CALN1: variants seen among roughly 807,000 people sequenced by gnomAD.
CALN1 encodes the protein calneuron 1.
Under a neutral mutation model 30.6 loss-of-function variants are expected in CALN1, and 17 were observed. The ratio of observed to expected loss-of-function variants is 0.56; its 90% CI spans 0.38 to 0.83. CALN1 has a LOEUF of 0.83. CALN1 is among the 40% of genes least tolerant of loss of function. The pLI, the probability that CALN1 is intolerant of heterozygous loss-of-function variation, is 0.00. For missense variants in CALN1, 291 were observed against 354.9 expected, an observed-to-expected ratio of 0.82 and a Z score of 1.45; for synonymous variants, 156 against 131.4, an observed-to-expected ratio of 1.19 and a Z score of -1.28.
intron 5 of CALN1, among the ~76,000 whole-genome samples, chr7:71,917,073 G>T (rs1396111952): frequency 6.6e-6 from 1 of 152,152 alleles, no homozygotes; most frequent in Non-Finnish European, 1.5e-5. Flanking sequence ...CTAAGAAATG[G>T]TAATGAGCTA....
At chr7:72,338,525 G>GTGTGTGTGTGTGTGTCTGTCTTTC in intron 2 of CALN1, among the ~76,000 whole-genome samples, 4 of 122,290 alleles carry the variant, frequency 3.3e-5, no homozygotes, top group African/African-American at 1.3e-4. Flanking sequence ...GTGTGTGTGT[G>GTGTGTGTGTGTGTGTCTGTCTTTC]TGTCTCACCT....
intron 3 of CALN1, among the ~76,000 whole-genome samples, chr7:72,253,106 C>G (rs1436389094): frequency 6.6e-6 from 1 of 152,004 alleles, no homozygotes; most frequent in Non-Finnish European, 1.5e-5. Flanking sequence ...CCTGTTCTAC[C>G]TGGACTTAGT....
rs192509715 is a variant in CALN1, at chr7:72,188,182, C to T, written c.245-81888G>A. Among the ~76,000 whole-genome samples the T allele has an allele frequency of 4.0e-5, 6 of 151,354 alleles. No individual in the cohort carries two copies. The East Asian group carries it at 9.7e-4, about 24-fold the overall frequency. ...AAGGATACTGGCACACGCATGTTTA[C>T]AGCAGCACGATTTGCAATTACAAAA... On this transcript the variant is annotated intron_variant, in intron 3 of 6. Transcript: ENST00000395275.
At chr7:72,411,854 T>C (rs1807180624) in intron 1 of CALN1, among the ~76,000 whole-genome samples, 1 of 152,212 alleles carries the variant, frequency 6.6e-6, no homozygotes, top group African/African-American at 2.4e-5. Flanking sequence ...ACAGATTATA[T>C]TCCAGGATAA....
At chr7:71,846,074 C>A (rs762355641) in intron 5 of CALN1, among the ~76,000 whole-genome samples, 3 of 151,976 alleles carry the variant, frequency 2.0e-5, no homozygotes, top group Non-Finnish European at 4.4e-5. Flanking sequence ...AAGATTAACA[C>A]TCTCCTCCTG....
At chr7:71,850,377 A>G (rs1309507536) in intron 5 of CALN1, among the ~76,000 whole-genome samples, 6 of 138,624 alleles carry the variant, frequency 4.3e-5, no homozygotes, top group African/African-American at 1.0e-4. Context: ...CACCACACCC[A>G]GCTAATTTTT....
chr7:72,464,010 G>T, the CALN1 span, among the ~76,000 whole-genome samples: 3 of 140,204 alleles, frequency 2.1e-5, no homozygotes, highest in Non-Finnish European at 3.1e-5. Flanking sequence ...GGAGGGAGGG[G>T]AAGAAAGAGA....
intron 5 of CALN1, among the ~76,000 whole-genome samples, chr7:71,814,268 G>C (rs1167238746): frequency 6.6e-6 from 1 of 152,110 alleles, no homozygotes; most frequent in Non-Finnish European, 1.5e-5. Flanking sequence ...CCTGACCCTG[G>C]TCCACCACCA....
intron 5 of CALN1, among the ~76,000 whole-genome samples, chr7:71,994,592 C>T (rs1318462442): frequency 6.6e-6 from 1 of 150,944 alleles, no homozygotes; most frequent in Non-Finnish European, 1.5e-5. Flanking sequence ...AGATTCGTTG[C>T]CTCATGCTAA....
At chr7:71,885,306 C>T (rs1281451449) in intron 5 of CALN1, among the ~76,000 whole-genome samples, 1 of 152,148 alleles carries the variant, frequency 6.6e-6, no homozygotes. Flanking sequence ...CGCCTGCCAC[C>T]ACACCTGGCT....
chr7:72,383,592 G>A (rs964423535), intron 2 of CALN1, among the ~76,000 whole-genome samples: 1 of 152,096 alleles, frequency 6.6e-6, no homozygotes, highest in African/African-American at 2.4e-5. Flanking sequence ...CTTCACTTCT[G>A]TCCCCAGCAG....
intron 2 of CALN1, among the ~76,000 whole-genome samples, chr7:72,325,632 T>C (rs1203545029): frequency 6.6e-6 from 1 of 151,940 alleles, no homozygotes; most frequent in African/African-American, 2.4e-5. Flanking sequence ...AGAGTGAAAC[T>C]CTGTCTCAAA....
chr7:72,059,252 G>A (rs917777092), intron 4 of CALN1, among the ~76,000 whole-genome samples: 3 of 152,104 alleles, frequency 2.0e-5, no homozygotes, highest in African/African-American at 7.2e-5. Context: ...TAGGTCAGAG[G>A]GATTACTTTT....
intron 3 of CALN1, among the ~76,000 whole-genome samples, chr7:72,200,228 G>A (rs1300749053): frequency 6.6e-6 from 1 of 152,144 alleles, no homozygotes; most frequent in African/African-American, 2.4e-5. Flanking sequence ...ACATGATGGT[G>A]AAGAGCCCAG....
intron 4 of CALN1, among the ~76,000 whole-genome samples, chr7:72,049,366 T>C (rs1475628563): frequency 1.3e-5 from 2 of 152,166 alleles, no homozygotes; most frequent in African/African-American, 4.8e-5. Context: ...GAGACATTTT[T>C]TTTGGAGCTA....
At chr7:71,797,755 C>T (rs189630903) in intron 6 of CALN1, among the ~76,000 whole-genome samples, 100 of 152,286 alleles carry the variant, frequency 6.6e-4, no homozygotes, top group African/African-American at 2.1e-3. Flanking sequence ...ACCCCTTGTT[C>T]TAATAACAAA....
intron 5 of CALN1, among the ~76,000 whole-genome samples, chr7:71,959,452 T>C (rs1797127321): frequency 6.6e-6 from 1 of 152,114 alleles, no homozygotes; most frequent in Non-Finnish European, 1.5e-5. Context: ...AAAATGGGCT[T>C]CCCCTTCTCC....
At chr7:72,161,391 G>A (rs776741289) in intron 3 of CALN1, among the ~76,000 whole-genome samples, 1 of 152,178 alleles carries the variant, frequency 6.6e-6, no homozygotes, top group African/African-American at 2.4e-5. Flanking sequence ...GAATAAGGTG[G>A]AGAAGGATGG....
chr7:72,196,772 G>A (rs746903846), intron 3 of CALN1, among the ~76,000 whole-genome samples: 8 of 152,140 alleles, frequency 5.3e-5, no homozygotes, highest in Admixed American at 2.0e-4. Context: ...CCTTACCTAT[G>A]TAATTATTTC....
Sources: allele counts gnomAD v4.1 joint callset (sites outside exome capture counted in the v4.1 genomes callset), GRCh38; gene constraint gnomAD v4.1.1; transcripts MANE v1.5; gene names NCBI Gene and HGNC (gene_info 2026-07-23, HGNC 2026-07-21).